TMPRSS6: variants seen among roughly 807,000 people sequenced by gnomAD.
The protein encoded by TMPRSS6 is transmembrane serine protease 6.
A neutral mutation model predicts 101.5 loss-of-function variants in TMPRSS6; 67 were observed. The observed-to-expected ratio is 0.66, with a 90% CI of 0.54 to 0.81. The LOEUF is 0.81. TMPRSS6 is among the 30% of genes least tolerant of loss of function. The pLI is 0.00. For synonymous variants in TMPRSS6, 453 were observed against 464.9 expected (o/e 0.97, Z 0.33); for missense variants, 1,034 against 1,088.7 (o/e 0.95, Z 0.71).
At chr22:37,110,137 C>CTTTT (rs55809648), upstream of TMPRSS6, among the ~76,000 whole-genome samples, 4 of 87,064 alleles carry the variant, frequency 4.6e-5, no homozygotes, top group African/African-American at 9.1e-5. Flanking sequence ...CTACCTCGTT[C>CTTTT]TTTTTTTTTT....
rs768896425 is a variant in TMPRSS6, at chr22:37,084,387, G to A, written c.1104C>T (p.Tyr368=). ...AGGCATCAAACCAGAGGGCCAAGCC[G>A]TAGTCCAGAGAGGGCACCTGGGAGG... ...SWHLTVPSLD[Y]GLALWFDAYA... Residue 368 remains tyrosine, a synonymous_variant, in exon 10 of 18, where the codon TAC becomes TAT. Transcript: ENST00000676104. 9.8e-5 allele frequency: 158 copies of A among 1,612,006 alleles called. 1 individual carries two copies. Among genetic ancestry groups the A allele is most frequent in the South Asian group, 2.0e-4 (18 of 90,616 alleles).
rs139207981 is a variant in TMPRSS6 at position 37,095,958 on chromosome 22, G to T, written c.537C>A (p.Ala179=). 6.2e-7 allele frequency: 1 copy of T among 1,614,154 alleles called. No homozygotes were observed. Residue 179 remains alanine (A), a synonymous_variant, in exon 5 of 18, where the codon GCC becomes GCA. Transcript: ENST00000676104. ...ELLSTVNSSA[A]VPYRAEYEVD... is the part of the protein sequence containing the mutation. Reference sequence around the variant, plus strand: ...CTTCGTACTCGGCCCTGTAGGGGACGGCAGCCGAGCTGTTGACTGTGGACA... The same window carrying T: ...CTTCGTACTCGGCCCTGTAGGGGACTGCAGCCGAGCTGTTGACTGTGGACA...
chr22:37,097,834 G>A (rs1387832939), intron 3 of TMPRSS6, among the ~76,000 whole-genome samples: 2 of 125,642 alleles, frequency 1.6e-5, no homozygotes, highest in South Asian at 2.6e-4. Context: ...GTCCTGTAAC[G>A]GAGGGGGAAG....
rs758508265 is a variant in TMPRSS6, at chr22:37,073,560, G to A, written c.1527C>T (p.Asn509=). The change falls in exon 13 of 18, where the codon AAC becomes AAT. Residue 509 remains asparagine (N), a synonymous_variant. Transcript: ENST00000676104. ...CCTGGCACTGCTCTTCGTCGCTGCC[G>A]TTGAGACAATCAGGCTGCCCATCAC... is the stretch of plus-strand genomic sequence containing the variant. ...KVCDGQPDCL[N]GSDEEQCQEG... 233 of 1,613,776 alleles carry A rather than the reference G, an allele frequency of 1.4e-4. No homozygotes were observed. The Admixed American group carries it at 1.9e-3, about 13-fold the overall frequency.
In TMPRSS6 at chr22:37,071,028, C is replaced by T. The variant is rs776181387; in HGVS notation, c.1560G>A (p.Val520=). 7 of 1,612,134 alleles carry T rather than the reference C, an allele frequency of 4.3e-6. No homozygotes were observed. The South Asian group carries it at 6.6e-5, about 15-fold the overall frequency. Residue 520 remains valine, a synonymous_variant, in exon 14 of 18, where the codon GTG becomes GTA. Coordinates refer to ENST00000676104, the MANE Select transcript of TMPRSS6 (RefSeq NM_001374504.1). ...ACTGGAAGGTGAATGTCCCACATGG[C>T]ACCCCTGGGACAGAGGGGATGGGGG... ...GSDEEQCQEG[V]PCGTFTFQCE... is the part of the protein sequence containing the mutation.
At position 37,073,642 on chromosome 22, in the gene TMPRSS6, C is replaced by A; in HGVS notation, c.1445G>T (p.Cys482Phe). The A allele has an allele frequency of 6.2e-7, 1 of 1,612,250 alleles. No homozygotes were observed. The highest frequency in any genetic ancestry group is 8.5e-7 in the Non-Finnish European group (1 of 1,178,322). ...CTCTTTGCACTGGAATGTGGCTCTGCAAACTGTGTGGGGACACAGAGAGGG... is the reference window on the plus strand; with the variant it reads ...CTCTTTGCACTGGAATGTGGCTCTGAAAACTGTGTGGGGACACAGAGAGGG... ...PNGLDERNCVCRATFQCKEDS... is the reference protein window; with the variant it reads ...PNGLDERNCVFRATFQCKEDS... The change falls in exon 13 of 18, where the codon TGC becomes TTC. Residue 482 changes from cysteine to phenylalanine, a missense_variant. Cys to Phe is a radical substitution (Grantham distance 205). Transcript: ENST00000676104.
At chr22:37,075,985 GAA>G (rs1045849977) in intron 10 of TMPRSS6, among the ~76,000 whole-genome samples, 6 of 144,338 alleles carry the variant, frequency 4.2e-5, no homozygotes, top group South Asian at 2.2e-4. Flanking sequence ...AAGAAAGAAA[GAA>G]AGAGAAAGAA....
upstream of TMPRSS6, among the ~76,000 whole-genome samples, chr22:37,109,816 G>A (rs533370604): frequency 2.0e-5 from 3 of 152,354 alleles, no homozygotes; most frequent in East Asian, 3.9e-4. Flanking sequence ...GGCAGGTGCG[G>A]GAGATCTGAG....
In TMPRSS6 at chr22:37,091,827, G is replaced by C. The variant is rs12158030; in HGVS notation, c.632-2045C>G. ...TGTCCTATGACCTCCTCTGGGCAGT[G>C]CTGAGGACCAGGAAGGGAATGGAGG... On this transcript the variant is annotated intron_variant, in intron 6 of 17. Coordinates refer to ENST00000676104, the MANE Select transcript of TMPRSS6 (RefSeq NM_001374504.1). Among the ~76,000 whole-genome samples, 1,349 of 152,320 alleles carry C rather than the reference G, an allele frequency of 8.9e-3. 24 individuals carry two copies. The highest frequency in any genetic ancestry group is 0.03 in the African/African-American group (1,250 of 41,564).
chr22:37,068,975 C>T, intron 16 of TMPRSS6, 98 bp downstream of exon 16: 1 of 1,490,828 alleles, frequency 6.7e-7, no homozygotes, highest in Non-Finnish European at 8.9e-7. Context: ...TGGGGTGGAG[C>T]CCCGGGACCC....
chr22:37,070,777 C>A (rs1926821833), intron 14 of TMPRSS6, 125 bp from the exon 15 acceptor site: 1 of 1,304,456 alleles, frequency 7.7e-7, no homozygotes, highest in Non-Finnish European at 1.1e-6. Flanking sequence ...GGGGGAGAGA[C>A]CATCAGGACC....
chr22:37,090,811 C>T (rs1929195618), intron 6 of TMPRSS6, among the ~76,000 whole-genome samples: 1 of 152,208 alleles, frequency 6.6e-6, no homozygotes, highest in South Asian at 2.1e-4. Context: ...CAGCACCTTG[C>T]ACAGTAGGGG....
chr22:37,102,156 T>TAAG (rs1930369899), intron 2 of TMPRSS6, among the ~76,000 whole-genome samples: 1 of 152,228 alleles, frequency 6.6e-6, no homozygotes, highest in Admixed American at 6.5e-5. Context: ...ATTCAGCCAG[T>TAAG]AAGAGCACTA....
intron 6 of TMPRSS6, among the ~76,000 whole-genome samples, chr22:37,094,056 A>G (rs1233810591): frequency 6.6e-6 from 1 of 152,186 alleles, no homozygotes; most frequent in South Asian, 2.1e-4. Flanking sequence ...CTCATGGGCT[A>G]TACAAAATCA....
chr22:37,069,040 C>T lies in TMPRSS6; in HGVS notation c.2113+33G>A. On this transcript the variant is annotated intron_variant, in intron 16 of 17. Transcript: ENST00000676104. This position sits in a 1 kb window ranked among gnomAD's most constrained non-coding sequence, Gnocchi z 4.8. ...TACGGCGCAGATCCGCACGGTCTCCCTCCGCCTCCCGCCGCAAGTCCCCGC... is the reference window on the plus strand; with the variant it reads ...TACGGCGCAGATCCGCACGGTCTCCTTCCGCCTCCCGCCGCAAGTCCCCGC... The T allele has an allele frequency of 2.0e-6, 3 of 1,534,040 alleles. No individual in the cohort carries two copies. Among genetic ancestry groups the T allele is most frequent in the South Asian group, 1.2e-5 (1 of 83,856 alleles).
At chr22:37,099,687 G>A (rs930855280) in intron 2 of TMPRSS6, among the ~76,000 whole-genome samples, 1 of 152,236 alleles carries the variant, frequency 6.6e-6, no homozygotes, top group African/African-American at 2.4e-5. Context: ...CAGGTTAGAG[G>A]TGGTCAGTGC....
In TMPRSS6 at chr22:37,066,901, G is replaced by A. The variant is rs144065667; in HGVS notation, c.2175C>T (p.Ser725=). The A allele has an allele frequency of 3.0e-5, 49 of 1,614,016 alleles. No homozygotes were observed. The highest frequency in any genetic ancestry group is 4.5e-5 in the East Asian group (2 of 44,884). The change falls in exon 17 of 18, where the codon AGC becomes AGT. Residue 725 remains serine, a synonymous_variant. Coordinates refer to ENST00000676104, the MANE Select transcript of TMPRSS6 (RefSeq NM_001374504.1). ...GCGTCACCTGGTAGCGATAGACCTC[G>A]CTGCACAGGTCCTGTGGGATCAACT... ...DVQLIPQDLC[S]EVYRYQVTPR...
chr22:37,103,801 G>T lies in TMPRSS6; in HGVS notation c.-1-383C>A. 1 of 592,870 alleles carries T rather than the reference G, an allele frequency of 1.7e-6. No individual in the cohort carries two copies. The highest frequency in any genetic ancestry group is 4.5e-4 in the Middle Eastern group (1 of 2,236). The allele number at this position is 592,870 out of a possible 1,614,324, so 36.7% of individuals were successfully genotyped here. ...GACTTCTGTAGACATCTGACCTCTT[G>T]CCCTCATTTCCCGTCCACGCAAGGA... On this transcript the variant is annotated intron_variant, in intron 1 of 17. Coordinates refer to ENST00000676104, the MANE Select transcript of TMPRSS6 (RefSeq NM_001374504.1). This position sits in a 1 kb window ranked among gnomAD's most constrained non-coding sequence, Gnocchi z 4.4.
intron 3 of TMPRSS6, among the ~76,000 whole-genome samples, chr22:37,097,830 T>C (rs1601568188): frequency 2.2e-5 from 2 of 92,118 alleles, no homozygotes; most frequent in Non-Finnish European, 4.4e-5. Flanking sequence ...CACCGTCCTG[T>C]AACGGAGGGG....
Sources: gnomAD v4.1 joint callset for allele counts (sites outside exome capture counted in the v4.1 genomes callset) on GRCh38, gnomAD v4.1.1 for gene constraint, Gnocchi (gnomAD v3.1) non-coding constraint, MANE v1.5 for transcripts, NCBI Gene and HGNC (gene_info 2026-07-23, HGNC 2026-07-21) for gene names.